The following R3HDM2 variants were observed in gnomAD, a reference collection of about 807,000 sequenced individuals.
The protein encoded by R3HDM2 is R3H domain containing 2.
R3HDM2 carries 38 observed loss-of-function variants against 124.5 expected under a neutral mutation model. The observed-to-expected ratio is 0.31, with a 90% CI of 0.24 to 0.40. The LOEUF (loss-of-function observed/expected upper bound fraction) is 0.40, where lower values mean the gene tolerates loss of function less well. R3HDM2 is among the 10% of genes least tolerant of loss of function. The pLI is 1.00. For missense variants in R3HDM2, 869 were observed against 1,236.9 expected, an observed-to-expected ratio of 0.70 and a Z score of 4.46; for synonymous variants, 391 against 448.0, an observed-to-expected ratio of 0.87 and a Z score of 1.61.
intron 2 of R3HDM2, among the ~76,000 whole-genome samples, chr12:57,382,940 G>A (rs1398182787): frequency 6.6e-6 from 1 of 151,926 alleles, no homozygotes; most frequent in Non-Finnish European, 1.5e-5. Context: ...GCGCAATCTC[G>A]CCTGACTGCA....
intron 2 of R3HDM2, among the ~76,000 whole-genome samples, chr12:57,362,032 T>C (rs1048326981): frequency 1.3e-5 from 2 of 152,094 alleles, no homozygotes; most frequent in African/African-American, 4.8e-5. Flanking sequence ...ACTCGGAGGC[T>C]GAGGTGGGAG....
chr12:57,344,573 GACAA>G (rs2137053166), intron 2 of R3HDM2, among the ~76,000 whole-genome samples: 1 of 152,218 alleles, frequency 6.6e-6, no homozygotes, highest in African/African-American at 2.4e-5. Context: ...AACAAGGTAG[GACAA>G]ACATTCTTGA....
chr12:57,396,017 C>T (rs946373297), intron 1 of R3HDM2, among the ~76,000 whole-genome samples, 199 bp from the exon 2 acceptor site: 1 of 152,004 alleles, frequency 6.6e-6, no homozygotes, highest in African/African-American at 2.4e-5. Context: ...ATTAAAAAAA[C>T]CCTGCATTTT....
intron 1 of R3HDM2, among the ~76,000 whole-genome samples, chr12:57,399,722 A>G (rs1395031383): frequency 1.3e-5 from 2 of 152,328 alleles, no homozygotes; most frequent in African/African-American, 4.8e-5. Flanking sequence ...AAATGGCTGT[A>G]ATCTGAAAAA....
At chr12:57,408,132 T>C (rs1465688134) in intron 1 of R3HDM2, among the ~76,000 whole-genome samples, 1 of 152,196 alleles carries the variant, frequency 6.6e-6, no homozygotes, top group African/African-American at 2.4e-5. Flanking sequence ...GGTTTCACCA[T>C]GTTGGTCAGG....
chr12:57,335,519 A>C, intron 2 of R3HDM2, among the ~76,000 whole-genome samples: 3 of 133,044 alleles, frequency 2.3e-5, no homozygotes, highest in Non-Finnish European at 3.1e-5. Flanking sequence ...TTTTTAAGTG[A>C]CAGCATCTTG....
intron 2 of R3HDM2, among the ~76,000 whole-genome samples, chr12:57,333,316 T>C (rs1220722914): frequency 6.6e-6 from 1 of 151,992 alleles, no homozygotes; most frequent in African/African-American, 2.4e-5. Flanking sequence ...CCATGTCAGA[T>C]TGGAGTAGAA....
At chr12:57,325,673 T>C (rs912269679) in intron 2 of R3HDM2, among the ~76,000 whole-genome samples, 4 of 151,688 alleles carry the variant, frequency 2.6e-5, no homozygotes, top group Non-Finnish European at 4.4e-5. Context: ...GCCTCCCAAA[T>C]TGCTGGAACC....
chr12:57,417,158 C>T (rs2069711566), intron 1 of R3HDM2, among the ~76,000 whole-genome samples: 1 of 151,650 alleles, frequency 6.6e-6, no homozygotes, highest in Admixed American at 6.6e-5. Flanking sequence ...AATCCCAGCA[C>T]TTTGGGAGGC....
At chr12:57,323,392 A>C (rs2056770631) in intron 2 of R3HDM2, among the ~76,000 whole-genome samples, 1 of 152,232 alleles carries the variant, frequency 6.6e-6, no homozygotes, top group African/African-American at 2.4e-5. Context: ...TGAAACACAT[A>C]AAGCTATAGG....
chr12:57,348,772 A>G (rs1304258950), intron 2 of R3HDM2, among the ~76,000 whole-genome samples: 2 of 150,324 alleles, frequency 1.3e-5, no homozygotes, highest in Non-Finnish European at 3.0e-5. Flanking sequence ...AGTCCCAGCT[A>G]CTCAGGAAGC....
chr12:57,277,001 T>C (rs1179861244), intron 14 of R3HDM2, among the ~76,000 whole-genome samples: 1 of 150,376 alleles, frequency 6.6e-6, no homozygotes, highest in African/African-American at 2.5e-5. Flanking sequence ...GCTCGGGAGA[T>C]GGGTGCACCA....
intron 2 of R3HDM2, among the ~76,000 whole-genome samples, chr12:57,374,066 T>A (rs1169862552): frequency 6.6e-6 from 1 of 151,962 alleles, no homozygotes; most frequent in East Asian, 1.9e-4. Flanking sequence ...AGACAGAGGT[T>A]GCAGTGAGAT....
chr12:57,399,949 T>C (rs181646102), intron 1 of R3HDM2, among the ~76,000 whole-genome samples: 1 of 152,318 alleles, frequency 6.6e-6, no homozygotes, highest in Non-Finnish European at 1.5e-5. Context: ...TTCATCCTGA[T>C]GGACTGACAA....
intron 9 of R3HDM2, 66 bp from the exon 10 acceptor site, chr12:57,295,573 A>G (rs2049604243): frequency 2.7e-6 from 3 of 1,101,166 alleles, no homozygotes; most frequent in East Asian, 5.2e-5. Flanking sequence ...AAGCAGACCT[A>G]TTAGGTACAG....
intron 3 of R3HDM2, among the ~76,000 whole-genome samples, chr12:57,308,766 C>T (rs1465932952): frequency 6.6e-6 from 1 of 152,162 alleles, no homozygotes; most frequent in Admixed American, 6.5e-5. Flanking sequence ...TTCAGAACAC[C>T]ATTTATAATT....
At chr12:57,348,203 C>T (rs984574635) in intron 2 of R3HDM2, among the ~76,000 whole-genome samples, 5 of 152,132 alleles carry the variant, frequency 3.3e-5, no homozygotes, top group Admixed American at 2.6e-4. Flanking sequence ...GCCTAAGGAT[C>T]GATTGAGCCC....
At chr12:57,276,420 C>T (rs1299092168) in intron 14 of R3HDM2, among the ~76,000 whole-genome samples, 2 of 151,626 alleles carry the variant, frequency 1.3e-5, no homozygotes, top group African/African-American at 4.8e-5. Flanking sequence ...GTGGTATATA[C>T]ACACAATGGA....
In R3HDM2 at chr12:57,299,455, A is replaced by G. The variant is rs754610023; in HGVS notation, c.318T>C (p.Ser106=). 9 of 1,546,490 alleles carry G rather than the reference A, an allele frequency of 5.8e-6. No homozygotes were observed. The highest frequency in any genetic ancestry group is 7.9e-6 in the Non-Finnish European group (9 of 1,142,268). Residue 106 remains serine (S), a synonymous_variant, in exon 6 of 24, where the codon AGT becomes AGC. Transcript: ENST00000402412. ...TTTCTTCCTCCTTGTCAGAAGGGCA[A>G]CTGATGTGCAATTGAATTATATCCT... is the stretch of plus-strand genomic sequence containing the variant. The part of the protein sequence containing the change: ...ETQDIIQLHI[S]CPSDKEEEKS...
Sources: gnomAD v4.1 joint callset for allele counts (sites outside exome capture counted in the v4.1 genomes callset) on GRCh38, gnomAD v4.1.1 for gene constraint, MANE v1.5 for transcripts, NCBI Gene and HGNC (gene_info 2026-07-23, HGNC 2026-07-21) for gene names.